CDH20: variants seen among roughly 807,000 people sequenced by gnomAD.
The protein encoded by CDH20 is cadherin 20, also known as cadherin-20.
Under a neutral mutation model 74.2 loss-of-function variants are expected in CDH20, and 29 were observed. The observed-to-expected ratio is 0.39, with a 90% CI of 0.29 to 0.53. The LOEUF (loss-of-function observed/expected upper bound fraction) is 0.53. CDH20 is among the 20% of genes least tolerant of loss of function. CDH20 has a pLI of 0.69. For missense variants in CDH20, 988 were observed against 1,048.3 expected, an observed-to-expected ratio of 0.94 and a Z score of 0.79; for synonymous variants, 469 against 405.4, an observed-to-expected ratio of 1.16 and a Z score of -1.88.
intron 1 of CDH20, among the ~76,000 whole-genome samples, chr18:61,397,110 A>G (rs9946559): frequency 0.013 from 1,979 of 152,112 alleles, 39 homozygotes; most frequent in African/African-American, 0.045. Context: ...TTCCATGGGC[A>G]TCTAACCTAG....
chr18:61,361,541 A>T (rs1910694970), intron 1 of CDH20, among the ~76,000 whole-genome samples: 1 of 152,180 alleles, frequency 6.6e-6, no homozygotes, highest in Non-Finnish European at 1.5e-5. Flanking sequence ...AATATTTTTT[A>T]AAAATGCATC....
chr18:61,457,690 G>T (rs1337039489), intron 1 of CDH20, among the ~76,000 whole-genome samples: 1 of 152,068 alleles, frequency 6.6e-6, no homozygotes, highest in Non-Finnish European at 1.5e-5. Context: ...TATGTTTGGA[G>T]GTTTTCCCTA....
At chr18:61,500,784 G>A (rs372528297) in intron 4 of CDH20, among the ~76,000 whole-genome samples, 1 of 152,136 alleles carries the variant, frequency 6.6e-6, no homozygotes, top group African/African-American at 2.4e-5. Context: ...AAATCCTATG[G>A]TTATATTTAT....
At chr18:61,490,369 C>A in intron 1 of CDH20, 33 bp from the exon 2 acceptor site, 1 of 585,572 alleles carries the variant, frequency 1.7e-6, no homozygotes, top group Non-Finnish European at 3.0e-6. Context: ...AAGAATCTGA[C>A]ATCATCACAC....
chr18:61,381,349 T>G (rs1911426824), intron 1 of CDH20, among the ~76,000 whole-genome samples: 3 of 152,242 alleles, frequency 2.0e-5, no homozygotes, highest in Admixed American at 2.0e-4. Context: ...GGGTACTCAC[T>G]GAAAGAATCA....
chr18:61,459,418 G>A (rs1423135216), intron 1 of CDH20, among the ~76,000 whole-genome samples: 1 of 152,112 alleles, frequency 6.6e-6, no homozygotes, highest in African/African-American at 2.4e-5. Context: ...GGGATGAAGG[G>A]GGAAGAGGAA....
At chr18:61,338,843 A>T (rs1909842489) in intron 1 of CDH20, among the ~76,000 whole-genome samples, 1 of 152,186 alleles carries the variant, frequency 6.6e-6, no homozygotes, top group Admixed American at 6.5e-5. Context: ...GTAAAGAGGT[A>T]TCTTGCATGG....
intron 1 of CDH20, among the ~76,000 whole-genome samples, chr18:61,455,876 T>A (rs1232186713): frequency 6.6e-6 from 1 of 152,252 alleles, no homozygotes; most frequent in Non-Finnish European, 1.5e-5. Flanking sequence ...TTCAATTTTA[T>A]GTCAAATTAA....
chr18:61,553,989 T>C (rs1419371968), intron 11 of CDH20, among the ~76,000 whole-genome samples: 3 of 152,196 alleles, frequency 2.0e-5, no homozygotes, highest in East Asian at 1.9e-4. Flanking sequence ...CAGGGCTTCA[T>C]TGTCCACAAC....
At chr18:61,440,652 T>TTTC (rs1179870180) in intron 1 of CDH20, among the ~76,000 whole-genome samples, 1 of 152,050 alleles carries the variant, frequency 6.6e-6, no homozygotes, top group Non-Finnish European at 1.5e-5. Context: ...CCAGGAACAG[T>TTTC]TTCTGGTCTT....
At chr18:61,387,311 G>A (rs1251962007) in intron 1 of CDH20, among the ~76,000 whole-genome samples, 2 of 152,168 alleles carry the variant, frequency 1.3e-5, no homozygotes, top group Non-Finnish European at 2.9e-5. Context: ...GTGGAGAATG[G>A]AAGAGTGGGA....
intron 4 of CDH20, 134 bp downstream of exon 4, chr18:61,500,636 A>G (rs1911343958): frequency 5.5e-6 from 5 of 906,186 alleles, no homozygotes; most frequent in Non-Finnish European, 8.0e-6. Context: ...TCTTAGCTTT[A>G]GGATTAAGAG....
intron 1 of CDH20, among the ~76,000 whole-genome samples, chr18:61,416,368 T>A (rs1033565824): frequency 6.6e-6 from 1 of 152,190 alleles, no homozygotes; most frequent in Non-Finnish European, 1.5e-5. Context: ...TTGGTTATGA[T>A]TGTGTCCCTT....
chr18:61,447,845 C>T (rs1909251644), intron 1 of CDH20, among the ~76,000 whole-genome samples: 1 of 152,280 alleles, frequency 6.6e-6, no homozygotes, highest in African/African-American at 2.4e-5. Flanking sequence ...CTCTCCTAGC[C>T]TCCTCTTTTC....
chr18:61,429,088 G>C (rs1279682308), intron 1 of CDH20, among the ~76,000 whole-genome samples: 3 of 152,190 alleles, frequency 2.0e-5, no homozygotes, highest in East Asian at 3.9e-4. Flanking sequence ...GGTGAGGGGG[G>C]TTTTATCGAA....
At chr18:61,457,674 AAAT>A (rs1909619969) in intron 1 of CDH20, among the ~76,000 whole-genome samples, 1 of 152,176 alleles carries the variant, frequency 6.6e-6, no homozygotes, top group African/African-American at 2.4e-5. Flanking sequence ...TGGAAGGATA[AAAT>A]AATATGTTTG....
chr18:61,356,284 T>A (rs1003412626), intron 1 of CDH20, among the ~76,000 whole-genome samples: 10 of 152,238 alleles, frequency 6.6e-5, no homozygotes, highest in African/African-American at 2.4e-4. Flanking sequence ...CTACCTTTTG[T>A]ACTTTTAAGA....
At chr18:61,505,726 T>C (rs1880931475) in intron 5 of CDH20, among the ~76,000 whole-genome samples, 1 of 152,202 alleles carries the variant, frequency 6.6e-6, no homozygotes, top group South Asian at 2.1e-4. Flanking sequence ...CAGGATAGAG[T>C]GGAAGCATGG....
At chr18:61,497,046 G>A (rs1416042528) in intron 2 of CDH20, among the ~76,000 whole-genome samples, 2 of 149,282 alleles carry the variant, frequency 1.3e-5, no homozygotes. Flanking sequence ...ACAAGAGATG[G>A]GCACCTCTAC....
Sources: gnomAD v4.1 joint callset for allele counts (sites outside exome capture counted in the v4.1 genomes callset) on GRCh38, gnomAD v4.1.1 for gene constraint, MANE v1.5 for transcripts, NCBI Gene and HGNC (gene_info 2026-07-23, HGNC 2026-07-21) for gene names.